IGSF21: variants seen among roughly 807,000 people sequenced by gnomAD.
IGSF21 encodes immunoglobin superfamily member 21.
Under a neutral mutation model 46.8 loss-of-function variants are expected in IGSF21, and 28 were observed. The ratio of observed to expected loss-of-function variants is 0.60; its 90% CI spans 0.44 to 0.82. The LOEUF (loss-of-function observed/expected upper bound fraction) is 0.82. Among genes scored for constraint, IGSF21 ranks in the 40% least tolerant of loss-of-function variants. The pLI is 0.00. For synonymous variants in IGSF21, 284 were observed against 273.6 expected, an observed-to-expected ratio of 1.04 and a Z score of -0.38; for missense variants, 624 against 665.5, an observed-to-expected ratio of 0.94 and a Z score of 0.69.
rs751232584 is a variant in IGSF21 at position 18,365,448 on chromosome 1, A to G, written c.766A>G (p.Ile256Val). Residue 256 changes from isoleucine to valine, a missense_variant, in exon 6 of 10, where the codon ATC becomes GTC. Coordinates refer to ENST00000251296, the MANE Select transcript of IGSF21 (RefSeq NM_032880.5). This position sits in a 1 kb window ranked among gnomAD's most constrained non-coding sequence, Gnocchi z 4.8. The part of the protein sequence containing the change: ...PSRGLTPDPN[I>V]LLQPTTENIP... ...CCGTGGCCTGACCCCAGATCCCAACATCCTCCTCCAGCCAACCACAGAGAA... is the reference window on the plus strand; with the variant it reads ...CCGTGGCCTGACCCCAGATCCCAACGTCCTCCTCCAGCCAACCACAGAGAA... 3 of 1,613,766 alleles carry G rather than the reference A, an allele frequency of 1.9e-6. No individual in the cohort carries two copies. Among genetic ancestry groups the G allele is most frequent in the South Asian group, 1.1e-5 (1 of 91,050 alleles).
intron 2 of IGSF21, among the ~76,000 whole-genome samples, chr1:18,254,085 C>G (rs1433166189): frequency 6.6e-6 from 1 of 152,154 alleles, no homozygotes. Flanking sequence ...CTATGATTAT[C>G]ACCATTTTGT....
intron 2 of IGSF21, among the ~76,000 whole-genome samples, chr1:18,273,781 C>G (rs1407058087): frequency 1.3e-5 from 2 of 151,714 alleles, no homozygotes; most frequent in East Asian, 3.9e-4. Flanking sequence ...GGAAATAAAC[C>G]AGGCCTCCTG....
chr1:18,140,652 C>T (rs907346490), intron 1 of IGSF21, among the ~76,000 whole-genome samples: 5 of 152,224 alleles, frequency 3.3e-5, no homozygotes, highest in African/African-American at 1.2e-4. Context: ...CTTCCCATTC[C>T]TCTTCACCTG....
chr1:18,307,678 C>A (rs535906782), intron 3 of IGSF21, among the ~76,000 whole-genome samples: 2 of 152,210 alleles, frequency 1.3e-5, no homozygotes, highest in South Asian at 4.1e-4. Context: ...CCCTTGGCCA[C>A]GTGCGGGCAG....
chr1:18,343,819 C>A (rs116020232), intron 4 of IGSF21, among the ~76,000 whole-genome samples: 3 of 152,224 alleles, frequency 2.0e-5, no homozygotes, highest in African/African-American at 7.2e-5. Flanking sequence ...TCCCTGTGCA[C>A]GTCTGGTGCT....
At chr1:18,205,056 G>A (rs1042025061) in intron 1 of IGSF21, among the ~76,000 whole-genome samples, 1 of 151,874 alleles carries the variant, frequency 6.6e-6, no homozygotes, top group African/African-American at 2.4e-5. Context: ...ACATTTACAT[G>A]TCAAAAGATG....
At chr1:18,207,523 G>T (rs2084341841) in intron 1 of IGSF21, among the ~76,000 whole-genome samples, 1 of 152,184 alleles carries the variant, frequency 6.6e-6, no homozygotes, top group South Asian at 2.1e-4. Flanking sequence ...GAAATCCAGG[G>T]TTACAAAGTC....
chr1:18,201,075 C>T (rs985402030), intron 1 of IGSF21, among the ~76,000 whole-genome samples: 3 of 152,138 alleles, frequency 2.0e-5, no homozygotes, highest in East Asian at 1.9e-4. Flanking sequence ...GGAAGGCTCT[C>T]GAGAGACCCA....
At chr1:18,289,538 A>G (rs1268552467) in intron 2 of IGSF21, among the ~76,000 whole-genome samples, 3 of 152,210 alleles carry the variant, frequency 2.0e-5, no homozygotes, top group Non-Finnish European at 4.4e-5. Context: ...TACCTGCAAA[A>G]TGGGAACATT....
intron 1 of IGSF21, among the ~76,000 whole-genome samples, chr1:18,153,133 C>T (rs1417305516): frequency 6.6e-6 from 1 of 152,060 alleles, no homozygotes; most frequent in Non-Finnish European, 1.5e-5. Context: ...ACCACAGGGT[C>T]CTGAAAGGAG....
chr1:18,227,927 C>G lies in IGSF21; in HGVS notation c.100C>G (p.Pro34Ala), dbSNP rs2084585154. 2 of 1,614,038 alleles carry G rather than the reference C, an allele frequency of 1.2e-6. No individual in the cohort carries two copies. Among genetic ancestry groups the G allele is most frequent in the Non-Finnish European group, 8.5e-7 (1 of 1,179,950 alleles). The change falls in exon 2 of 10, where the codon CCC (proline) becomes GCC (alanine). Residue 34 changes from proline (P) to alanine (A), a missense_variant. By Grantham distance (27) the Pro-to-Ala change is conservative. Transcript: ENST00000251296. The stretch of plus-strand genomic sequence containing the variant: ...CCTGACAGTCAACATTGAGCCTCTC[C>G]CCCCTGTGGTGGCTGGAGACGCCGT... ...GYLTVNIEPL[P>A]PVVAGDAVTL...
At chr1:18,225,877 C>T (rs12035101) in intron 1 of IGSF21, among the ~76,000 whole-genome samples, 9 of 152,198 alleles carry the variant, frequency 5.9e-5, no homozygotes, top group Middle Eastern at 3.4e-3. Flanking sequence ...TCATGGAGCC[C>T]GAAGGTTTGG....
chr1:18,365,163 A>G lies in IGSF21; in HGVS notation c.541-60A>G. The G allele has an allele frequency of 7.5e-7, 1 of 1,332,422 alleles. No homozygotes were observed. Among genetic ancestry groups the G allele is most frequent in the Non-Finnish European group, 1.1e-6 (1 of 946,958 alleles). 82.5% of individuals were successfully genotyped at this position (1,332,422 alleles called of 1,614,324 possible). A position where few individuals can be genotyped will look rare whatever the true frequency, so the allele number is the denominator to read the frequency against. On this transcript the variant is annotated intron_variant, in intron 5 of 9. Transcript: ENST00000251296. This position sits in a 1 kb window ranked among gnomAD's most constrained non-coding sequence, Gnocchi z 4.8. Reference sequence around the variant, plus strand: ...CTGTGCCCAGTTCATCGGAGAACCCACTGGGAGGTTGAAGTTAGTAGCACA... The same window carrying G: ...CTGTGCCCAGTTCATCGGAGAACCCGCTGGGAGGTTGAAGTTAGTAGCACA...
In IGSF21 at chr1:18,227,934, T is replaced by C; in HGVS notation, c.107T>C (p.Val36Ala). Residue 36 changes from valine to alanine, a missense_variant, in exon 2 of 10, where the codon GTG (valine) becomes GCG (alanine). By Grantham distance (64) the Val-to-Ala change is moderately conservative. Transcript: ENST00000251296. ...LTVNIEPLPP[V>A]VAGDAVTLKC... Reference sequence around the variant, plus strand: ...GTCAACATTGAGCCTCTCCCCCCTGTGGTGGCTGGAGACGCCGTGACTTTG... The same window carrying C: ...GTCAACATTGAGCCTCTCCCCCCTGCGGTGGCTGGAGACGCCGTGACTTTG... 1 of 1,614,078 alleles carries C rather than the reference T, an allele frequency of 6.2e-7. No homozygotes were observed. Among genetic ancestry groups the C allele is most frequent in the Non-Finnish European group, 8.5e-7 (1 of 1,179,958 alleles).
Position 18,219,234 on chromosome 1 carries a change from C to T in IGSF21, c.71-8664C>T, listed in dbSNP as rs117757738. The stretch of plus-strand genomic sequence containing the variant: ...TACATGGGGTAGTCGCAAGAGTCTT[C>T]TCCAAAGTGGTGACATTTGAGCAGA... On this transcript the variant is annotated intron_variant, in intron 1 of 9. Coordinates refer to ENST00000251296, the MANE Select transcript of IGSF21 (RefSeq NM_032880.5). Among the ~76,000 whole-genome samples, 198 of 152,306 alleles carry T rather than the reference C, an allele frequency of 1.3e-3. 1 individual carries two copies. In the East Asian group the frequency reaches 0.036, roughly 28 times the overall value.
At chr1:18,126,078 G>C (rs1326123246) in intron 1 of IGSF21, among the ~76,000 whole-genome samples, 7 of 152,082 alleles carry the variant, frequency 4.6e-5, no homozygotes, top group Admixed American at 4.6e-4. Flanking sequence ...CTTAGCAGCC[G>C]GCCTTTGGTT....
chr1:18,292,947 G>T (rs867565764), intron 3 of IGSF21, among the ~76,000 whole-genome samples: 3 of 152,262 alleles, frequency 2.0e-5, no homozygotes, highest in Non-Finnish European at 4.4e-5. Flanking sequence ...CCTGAAAGTA[G>T]TGGTCTGCTC....
chr1:18,242,314 C>T (rs557369794), intron 2 of IGSF21, among the ~76,000 whole-genome samples: 37 of 152,322 alleles, frequency 2.4e-4, no homozygotes, highest in East Asian at 5.8e-4. Flanking sequence ...GCTGGACTCT[C>T]TTTTGGTGAA....
intron 2 of IGSF21, among the ~76,000 whole-genome samples, chr1:18,273,037 A>ATTT (rs2085057685): frequency 1.1e-5 from 1 of 90,200 alleles, no homozygotes; most frequent in African/African-American, 4.7e-5. Context: ...AGCCAGACGG[A>ATTT]TCTTTTTTTT....
Sources: allele counts gnomAD v4.1 joint callset (sites outside exome capture counted in the v4.1 genomes callset), GRCh38; gene constraint gnomAD v4.1.1; non-coding constraint Gnocchi (gnomAD v3.1); transcripts MANE v1.5; gene names NCBI Gene and HGNC (gene_info 2026-07-23, HGNC 2026-07-21).